ALK: variants seen among roughly 807,000 people sequenced by gnomAD.
ALK encodes the protein ALK receptor tyrosine kinase.
In ALK, 74 loss-of-function variants were observed where a neutral mutation model predicts 163.1. That is an observed-to-expected ratio of 0.45 (90% CI 0.38 to 0.55). The LOEUF (loss-of-function observed/expected upper bound fraction) is 0.55. ALK is among the 20% of genes least tolerant of loss of function. The pLI is 0.00. For synonymous variants in ALK, 960 were observed against 843.2 expected (o/e 1.14, Z -2.40); for missense variants, 2,063 against 2,105.3 (o/e 0.98, Z 0.39).
intron 5 of ALK, among the ~76,000 whole-genome samples, chr2:29,364,811 A>G (rs1310671668): frequency 6.6e-6 from 1 of 152,316 alleles, no homozygotes. Context: ...TATGATGCAC[A>G]TATTATTTTG....
chr2:29,663,829 G>C (rs905795813), intron 3 of ALK, among the ~76,000 whole-genome samples: 1 of 152,088 alleles, frequency 6.6e-6, no homozygotes, highest in African/African-American at 2.4e-5. Flanking sequence ...TTATGTTTAA[G>C]GTCAGTATAT....
intron 11 of ALK, among the ~76,000 whole-genome samples, chr2:29,267,927 G>T (rs1399057337): frequency 6.6e-6 from 1 of 152,196 alleles, no homozygotes; most frequent in Non-Finnish European, 1.5e-5. Context: ...TGTTCTGTTA[G>T]TCTTCAAGCT....
chr2:29,311,453 A>C (rs567982222), intron 8 of ALK, among the ~76,000 whole-genome samples: 3 of 152,340 alleles, frequency 2.0e-5, no homozygotes, highest in Admixed American at 6.5e-5. Flanking sequence ...CTGGAGTGTT[A>C]GCCACTCAAT....
intron 1 of ALK, among the ~76,000 whole-genome samples, chr2:29,737,458 G>T (rs1679923935): frequency 6.6e-6 from 1 of 152,008 alleles, no homozygotes; most frequent in African/African-American, 2.4e-5. Flanking sequence ...ATGTATGATT[G>T]CCCCAAGCTC....
intron 4 of ALK, among the ~76,000 whole-genome samples, chr2:29,443,504 G>T (rs910665723): frequency 6.6e-6 from 1 of 152,062 alleles, no homozygotes; most frequent in African/African-American, 2.4e-5. Flanking sequence ...TCCAGTTTGG[G>T]GGAAGGGTTT....
rs933799817 is a variant in ALK, at chr2:29,306,037, C to A, written c.1648-8980G>T. 2.0e-5 allele frequency among the ~76,000 whole-genome samples: 3 copies of A among 152,040 alleles called. No individual in the cohort carries two copies. The South Asian group carries it at 6.2e-4, about 32-fold the overall frequency. On this transcript the variant is annotated intron_variant, in intron 8 of 28. Coordinates refer to ENST00000389048, the MANE Select transcript of ALK (RefSeq NM_004304.5). ...GTTTTGCTCACTTGCCTGCCACTCA[C>A]CTCCTGCTGTGTGGCCTGGTTCCTA...
intron 4 of ALK, among the ~76,000 whole-genome samples, chr2:29,394,657 AG>A (rs1669260387): frequency 6.6e-6 from 1 of 152,204 alleles, no homozygotes; most frequent in Admixed American, 6.5e-5. Context: ...TCTTTCTGGC[AG>A]GGTGGGTGGT....
At chr2:29,746,661 C>T (rs1281443223) in intron 1 of ALK, among the ~76,000 whole-genome samples, 1 of 152,186 alleles carries the variant, frequency 6.6e-6, no homozygotes, top group Admixed American at 6.5e-5. Context: ...TAATGAGAAA[C>T]CTGACATTTT....
intron 4 of ALK, among the ~76,000 whole-genome samples, chr2:29,385,249 C>T (rs1262446668): frequency 6.6e-6 from 1 of 151,674 alleles, no homozygotes; most frequent in Admixed American, 6.6e-5. Flanking sequence ...TAAAGTGATG[C>T]TCACTGTAAA....
intron 3 of ALK, among the ~76,000 whole-genome samples, chr2:29,569,918 C>T (rs1334579906): frequency 6.6e-6 from 1 of 152,224 alleles, no homozygotes; most frequent in Non-Finnish European, 1.5e-5. Context: ...GAGCCTCCAG[C>T]TCAGGTCCTG....
At chr2:29,582,361 T>G (rs1674728098) in intron 3 of ALK, among the ~76,000 whole-genome samples, 2 of 152,212 alleles carry the variant, frequency 1.3e-5, no homozygotes, top group African/African-American at 4.8e-5. Flanking sequence ...ACAATCTCAT[T>G]TTGTTCAGTA....
intron 4 of ALK, among the ~76,000 whole-genome samples, chr2:29,424,860 G>A (rs1052225371): frequency 1.3e-5 from 2 of 152,076 alleles, no homozygotes; most frequent in African/African-American, 4.8e-5. Flanking sequence ...TCTCACCAGT[G>A]GAATGGTGAT....
chr2:29,753,327 G>T (rs1355126963), intron 1 of ALK, among the ~76,000 whole-genome samples: 1 of 152,192 alleles, frequency 6.6e-6, no homozygotes, highest in Non-Finnish European at 1.5e-5. Context: ...TCTGCCGGAG[G>T]CTCCGCACTT....
chr2:29,380,754 C>A (rs987058296), intron 5 of ALK, among the ~76,000 whole-genome samples: 6 of 152,092 alleles, frequency 3.9e-5, no homozygotes, highest in Admixed American at 2.6e-4. Flanking sequence ...TTTTAAACAT[C>A]CAGATCTTAT....
intron 8 of ALK, among the ~76,000 whole-genome samples, chr2:29,297,291 CT>C (rs943107777): frequency 3.0e-4 from 45 of 152,120 alleles, no homozygotes; most frequent in African/African-American, 1.0e-3. Context: ...GCAGGGACAA[CT>C]GATGGGCAGT....
At chr2:29,784,694 T>TCAA (rs1259794596) in intron 1 of ALK, among the ~76,000 whole-genome samples, 26 of 100,042 alleles carry the variant, frequency 2.6e-4, no homozygotes, top group African/African-American at 9.1e-4. Flanking sequence ...GACCTCCGTC[T>TCAA]CAACAACAAC....
chr2:29,779,104 C>T (rs961316586), intron 1 of ALK, among the ~76,000 whole-genome samples: 5 of 151,624 alleles, frequency 3.3e-5, no homozygotes, highest in Admixed American at 6.6e-5. Flanking sequence ...TGCAGTGAGC[C>T]GAGATCGTGC....
intron 4 of ALK, among the ~76,000 whole-genome samples, chr2:29,453,153 A>G (rs1198913271): frequency 6.6e-6 from 1 of 152,226 alleles, no homozygotes; most frequent in Non-Finnish European, 1.5e-5. Context: ...AGATGTTGGC[A>G]TAAGGTGAAG....
At chr2:29,838,664 A>T (rs1665626230) in intron 1 of ALK, among the ~76,000 whole-genome samples, 1 of 152,344 alleles carries the variant, frequency 6.6e-6, no homozygotes, top group Middle Eastern at 3.4e-3. Flanking sequence ...GAAGCCAGAC[A>T]TGCAAAAGTA....
Sources: gnomAD v4.1 joint callset for allele counts (sites outside exome capture counted in the v4.1 genomes callset) on GRCh38, gnomAD v4.1.1 for gene constraint, MANE v1.5 for transcripts, NCBI Gene and HGNC (gene_info 2026-07-23, HGNC 2026-07-21) for gene names.